Variants in JAZF1 observed in about 807,000 individuals in gnomAD.
JAZF1 encodes the protein juxtaposed with another zinc finger protein 1.
Under a neutral mutation model 26.4 loss-of-function variants are expected in JAZF1, and 8 were observed. The ratio of observed to expected loss-of-function variants is 0.30; its 90% confidence interval spans 0.18 to 0.55. The LOEUF (loss-of-function observed/expected upper bound fraction) is 0.55. Ranked by LOEUF, JAZF1 falls within the 20% of genes least tolerant of loss-of-function variation. JAZF1 has a pLI of 0.94. For synonymous variants in JAZF1, 126 were observed against 122.3 expected (o/e 1.03, Z -0.20); for missense variants, 199 against 322.0 (o/e 0.62, Z 2.92).
intron 1 of JAZF1, among the ~76,000 whole-genome samples, chr7:28,018,356 G>A (rs751629517): frequency 3.3e-5 from 5 of 152,218 alleles, no homozygotes; most frequent in Non-Finnish European, 7.3e-5. Flanking sequence ...ACCGTTGGGA[G>A]TGTGGGTTTC....
intron 2 of JAZF1, among the ~76,000 whole-genome samples, chr7:27,903,546 A>G (rs1325963793): frequency 6.6e-6 from 1 of 152,198 alleles, no homozygotes; most frequent in Non-Finnish European, 1.5e-5. Context: ...TCACAGGCAA[A>G]TTCAAGAAGA....
intron 2 of JAZF1, among the ~76,000 whole-genome samples, chr7:27,969,055 A>G (rs1785326443): frequency 6.6e-6 from 1 of 152,210 alleles, no homozygotes; most frequent in Non-Finnish European, 1.5e-5. Context: ...GATGCCATTT[A>G]TCCTTTTCTG....
chr7:28,158,186 C>CACAGAGAG (rs149643430), intron 1 of JAZF1, among the ~76,000 whole-genome samples: 86 of 143,424 alleles, frequency 6.0e-4, no homozygotes, highest in East Asian at 2.8e-3. Flanking sequence ...CACACACACA[C>CACAGAGAG]AGAGAGAGAG....
chr7:28,065,184 A>G (rs147975819), intron 1 of JAZF1, among the ~76,000 whole-genome samples: 52 of 152,260 alleles, frequency 3.4e-4, no homozygotes, highest in African/African-American at 1.2e-3. Context: ...TTTGGGAGTA[A>G]GATTTGGGGG....
chr7:28,126,287 C>G (rs762654475), intron 1 of JAZF1, among the ~76,000 whole-genome samples: 1 of 152,132 alleles, frequency 6.6e-6, no homozygotes, highest in Non-Finnish European at 1.5e-5. Context: ...GCTGGAGACA[C>G]AGAAGTGAAT....
At chr7:27,835,107 C>T (rs1338016214) in intron 4 of JAZF1, among the ~76,000 whole-genome samples, 1 of 152,162 alleles carries the variant, frequency 6.6e-6, no homozygotes, top group African/African-American at 2.4e-5. Flanking sequence ...TCATGGGGAA[C>T]TTGATGCAGG....
intron 3 of JAZF1, among the ~76,000 whole-genome samples, chr7:27,855,294 C>T (rs577691789): frequency 6.6e-6 from 1 of 151,786 alleles, no homozygotes; most frequent in East Asian, 1.9e-4. Flanking sequence ...AAAGTGACAC[C>T]CTAACATCAC....
At chr7:28,040,134 C>T (rs1232777998) in intron 1 of JAZF1, among the ~76,000 whole-genome samples, 4 of 152,034 alleles carry the variant, frequency 2.6e-5, no homozygotes, top group African/African-American at 9.7e-5. Flanking sequence ...GAAAGAAAAA[C>T]CTTACGTTTA....
At chr7:28,164,548 C>A (rs1783337936) in intron 1 of JAZF1, among the ~76,000 whole-genome samples, 1 of 152,156 alleles carries the variant, frequency 6.6e-6, no homozygotes, top group Admixed American at 6.5e-5. Flanking sequence ...AGTGTTTCCA[C>A]TAACATCTCT....
intron 1 of JAZF1, among the ~76,000 whole-genome samples, chr7:28,162,548 T>C (rs1583593074): frequency 6.6e-6 from 1 of 152,248 alleles, no homozygotes; most frequent in East Asian, 1.9e-4. Context: ...CTGAAACATT[T>C]ACAATACCTG....
chr7:27,915,214 C>G (rs1784426542), intron 2 of JAZF1, among the ~76,000 whole-genome samples: 1 of 152,202 alleles, frequency 6.6e-6, no homozygotes, highest in Non-Finnish European at 1.5e-5. Context: ...GGAGCTCAAG[C>G]TTCCTGCCTT....
At chr7:28,157,084 C>T (rs1387272686) in intron 1 of JAZF1, among the ~76,000 whole-genome samples, 1 of 152,220 alleles carries the variant, frequency 6.6e-6, no homozygotes, top group African/African-American at 2.4e-5. Context: ...CTGTGGTGGT[C>T]TGCTCAATGT....
At chr7:28,071,182 A>C (rs1783969407) in intron 1 of JAZF1, among the ~76,000 whole-genome samples, 1 of 152,238 alleles carries the variant, frequency 6.6e-6, no homozygotes, top group Admixed American at 6.5e-5. Flanking sequence ...ACAAAGATCC[A>C]ACTAGGTGTA....
At chr7:28,081,118 G>A (rs1298958614) in intron 1 of JAZF1, among the ~76,000 whole-genome samples, 2 of 152,164 alleles carry the variant, frequency 1.3e-5, no homozygotes, top group African/African-American at 2.4e-5. Context: ...AGATAAAGCA[G>A]GCCTTGCATT....
intron 1 of JAZF1, among the ~76,000 whole-genome samples, chr7:28,007,090 A>G (rs566018495): frequency 9.2e-5 from 14 of 152,318 alleles, no homozygotes; most frequent in Admixed American, 7.2e-4. Context: ...GGATGTCAAC[A>G]GCCCCATAAC....
At chr7:27,862,238 G>A (rs1049692637) in intron 3 of JAZF1, among the ~76,000 whole-genome samples, 1 of 151,928 alleles carries the variant, frequency 6.6e-6, no homozygotes, top group African/African-American at 2.4e-5. Flanking sequence ...TTAGATCTAG[G>A]GGGTACACAT....
chr7:27,879,371 C>G (rs1222798850), intron 3 of JAZF1, among the ~76,000 whole-genome samples: 3 of 152,176 alleles, frequency 2.0e-5, no homozygotes, highest in Non-Finnish European at 4.4e-5. Flanking sequence ...GAATTAAACC[C>G]ATGACCTCAG....
chr7:28,077,811 G>A (rs866468641), intron 1 of JAZF1, among the ~76,000 whole-genome samples: 1 of 152,288 alleles, frequency 6.6e-6, no homozygotes, highest in South Asian at 2.1e-4. Context: ...TTAAAGAGCT[G>A]GAGCTCTGGG....
chr7:28,069,860 C>G (rs890891295), intron 1 of JAZF1, among the ~76,000 whole-genome samples: 15 of 152,136 alleles, frequency 9.9e-5, no homozygotes, highest in African/African-American at 3.6e-4. Flanking sequence ...CAAACTCATA[C>G]TTGTCCCCTA....
Sources: allele counts gnomAD v4.1 joint callset (sites outside exome capture counted in the v4.1 genomes callset), GRCh38; gene constraint gnomAD v4.1.1; transcripts MANE v1.5; gene names NCBI Gene and HGNC (gene_info 2026-07-23, HGNC 2026-07-21).